Variants in PHF24 observed in about 807,000 individuals in gnomAD.
PHF24 encodes PHD finger protein 24.
Under a neutral mutation model 42.6 loss-of-function variants are expected in PHF24, and 25 were observed. That is an observed-to-expected ratio of 0.59 (90% CI 0.43 to 0.82). The LOEUF (loss-of-function observed/expected upper bound fraction) is 0.82, where lower values mean the gene tolerates loss of function less well. Among genes scored for constraint, PHF24 ranks in the 40% least tolerant of loss-of-function variants. PHF24 has a pLI of 0.00. For synonymous variants in PHF24, 185 were observed against 204.8 expected (o/e 0.90, Z 0.83); for missense variants, 470 against 538.1 (o/e 0.87, Z 1.25).
At chr9:34,706,028 GT>G in the PHF24 span, among the ~76,000 whole-genome samples, 1 of 152,160 alleles carries the variant, frequency 6.6e-6, no homozygotes, top group African/African-American at 2.4e-5. Context: ...GAAAGGCAAT[GT>G]CAAGATAGAG....
At chr9:34,743,763 C>G in the PHF24 span, among the ~76,000 whole-genome samples, 8 of 152,178 alleles carry the variant, frequency 5.3e-5, no homozygotes, top group Non-Finnish European at 1.0e-4. Context: ...CACCCTTTCC[C>G]TATGTCTTAG....
At chr9:34,767,188 T>G in the PHF24 span, among the ~76,000 whole-genome samples, 1 of 152,226 alleles carries the variant, frequency 6.6e-6, no homozygotes, top group Non-Finnish European at 1.5e-5. Context: ...CTGCCCGTTC[T>G]CAGATCTCCA....
exon 8 of PHF24, chr9:34,978,444 G>T: frequency 3.7e-6 from 1 of 272,978 alleles, no homozygotes; most frequent in South Asian, 6.9e-5. Context: ...GTTCTTTTTG[G>T]TTGAGAAAGG....
chr9:34,946,095 A>G, the PHF24 span, among the ~76,000 whole-genome samples: 1 of 152,198 alleles, frequency 6.6e-6, no homozygotes, highest in Non-Finnish European at 1.5e-5. Context: ...GCAGTAGGAG[A>G]TAGGAAAGGC....
chr9:34,886,779 T>TCTGTCTGTCTGTCTAC, the PHF24 span, among the ~76,000 whole-genome samples: 1 of 146,700 alleles, frequency 6.8e-6, no homozygotes, highest in Admixed American at 6.8e-5. Context: ...TGTCTGTCTG[T>TCTGTCTGTCTGTCTAC]CTACTCTGTC....
chr9:34,741,574 C>A, the PHF24 span, among the ~76,000 whole-genome samples: 1 of 152,034 alleles, frequency 6.6e-6, no homozygotes, highest in Non-Finnish European at 1.5e-5. Context: ...GTTGGTCAGG[C>A]TGGCCTCGAA....
the PHF24 span, chr9:34,834,556 G>T: frequency 6.5e-7 from 1 of 1,549,866 alleles, no homozygotes. Context: ...CCGGGAAGAA[G>T]AGTAGTTCCC....
At chr9:34,944,798 T>G in the PHF24 span, among the ~76,000 whole-genome samples, 4 of 150,474 alleles carry the variant, frequency 2.7e-5, no homozygotes, top group Admixed American at 2.0e-4. Flanking sequence ...ATTGCTTGAG[T>G]CCAGGAGTTT....
chr9:34,959,953 A>G (rs1412138212), intron 1 of PHF24, among the ~76,000 whole-genome samples: 1 of 152,148 alleles, frequency 6.6e-6, no homozygotes, highest in African/African-American at 2.4e-5. Flanking sequence ...AGCACTCAGG[A>G]CACTTTTGCC....
At chr9:34,975,471 C>T (rs1242900290) in intron 3 of PHF24, among the ~76,000 whole-genome samples, 1 of 152,118 alleles carries the variant, frequency 6.6e-6, no homozygotes, top group Non-Finnish European at 1.5e-5. Flanking sequence ...GCGGGTATCT[C>T]AGAGGAAGAA....
At chr9:34,735,159 G>A in the PHF24 span, among the ~76,000 whole-genome samples, 3 of 132,402 alleles carry the variant, frequency 2.3e-5, no homozygotes, top group African/African-American at 8.3e-5. Flanking sequence ...TTTTTGAGAC[G>A]GAGTCTCACT....
chr9:34,949,637 G>A, the PHF24 span, among the ~76,000 whole-genome samples: 7 of 152,254 alleles, frequency 4.6e-5, no homozygotes, highest in South Asian at 1.2e-3. Context: ...AAGAAAATGT[G>A]GCACATATAC....
the PHF24 span, among the ~76,000 whole-genome samples, chr9:34,797,655 C>T: frequency 4.6e-5 from 7 of 151,704 alleles, no homozygotes; most frequent in South Asian, 1.5e-3. Flanking sequence ...TCTAGCTGCT[C>T]GTGTCTTTTT....
chr9:34,862,656 A>G, the PHF24 span, among the ~76,000 whole-genome samples: 171 of 152,216 alleles, frequency 1.1e-3, no homozygotes, highest in African/African-American at 4.0e-3. Flanking sequence ...CCCAGGTAGT[A>G]TGCTGTGGGC....
At chr9:34,966,163 A>G (rs1250185257) in intron 1 of PHF24, among the ~76,000 whole-genome samples, 1 of 152,260 alleles carries the variant, frequency 6.6e-6, no homozygotes, top group African/African-American at 2.4e-5. Context: ...ATATAAATAC[A>G]TAATTGATAA....
chr9:34,772,587 T>A, the PHF24 span, among the ~76,000 whole-genome samples: 1 of 152,076 alleles, frequency 6.6e-6, no homozygotes, highest in Non-Finnish European at 1.5e-5. Context: ...AGTAGGAAAA[T>A]AAAAATGGAA....
chr9:34,704,320 C>T, the PHF24 span, among the ~76,000 whole-genome samples: 7 of 152,164 alleles, frequency 4.6e-5, no homozygotes, highest in Non-Finnish European at 1.0e-4. Flanking sequence ...CGTGAGCTGC[C>T]ATGCCCAGCT....
At chr9:34,957,500 T>C (rs1826402639), upstream of PHF24, 1 of 152,234 alleles carries the variant, frequency 6.6e-6, no homozygotes, top group Non-Finnish European at 1.5e-5. Flanking sequence ...ATTGCTGGCC[T>C]TCTGACAAGC....
At chr9:34,859,843 C>T in the PHF24 span, among the ~76,000 whole-genome samples, 1 of 152,136 alleles carries the variant, frequency 6.6e-6, no homozygotes, top group Admixed American at 6.5e-5. Context: ...GGCACTCTAC[C>T]TGCCTCTATG....
Sources: gnomAD v4.1 joint callset for allele counts (sites outside exome capture counted in the v4.1 genomes callset) on GRCh38, gnomAD v4.1.1 for gene constraint, MANE v1.5 for transcripts, NCBI Gene and HGNC (gene_info 2026-07-23, HGNC 2026-07-21) for gene names.